DENND2A: variants seen among roughly 807,000 people sequenced by gnomAD.
DENND2A encodes the protein DENN domain-containing protein 2A.
In DENND2A, 53 loss-of-function variants were observed where a neutral mutation model predicts 105.3. That is an observed-to-expected ratio of 0.50 (90% CI 0.40 to 0.63). The LOEUF (loss-of-function observed/expected upper bound fraction) is 0.63, where lower values mean the gene tolerates loss of function less well. DENND2A is among the 30% of genes least tolerant of loss of function. The probability of loss-of-function intolerance (pLI) is 0.00; values close to 1 mark genes in which losing one functional copy is unlikely to be tolerated. For synonymous variants in DENND2A, 522 were observed against 508.4 expected (o/e 1.03, Z -0.36); for missense variants, 1,138 against 1,279.6 (o/e 0.89, Z 1.69).
Position 140,518,682 on chromosome 7 carries a change from G to C in DENND2A, c.*25C>G, listed in dbSNP as rs1171857356. On this transcript the variant is annotated 3_prime_UTR_variant, in exon 20 of 20. Transcript: ENST00000496613. The stretch of plus-strand genomic sequence containing the variant: ...TTTAAAGCATAGGGCTGCACTAGGA[G>C]GAAGTTTTCCCTTGAGGCTGAGAGT... 6 of 1,611,314 alleles carry C rather than the reference G, an allele frequency of 3.7e-6. No individual in the cohort carries two copies. In the East Asian group the frequency reaches 1.3e-4, roughly 36 times the overall value.
intron 1 of DENND2A, among the ~76,000 whole-genome samples, chr7:140,638,388 A>C (rs1239934177): frequency 1.3e-5 from 2 of 152,172 alleles, no homozygotes; most frequent in African/African-American, 4.8e-5. Flanking sequence ...AAGTTATCAT[A>C]ATCTGTGCCC....
intron 1 of DENND2A, among the ~76,000 whole-genome samples, chr7:140,611,148 G>A (rs542729109): frequency 3.3e-5 from 5 of 152,248 alleles, no homozygotes; most frequent in African/African-American, 9.6e-5. Context: ...AGGTTCAAGC[G>A]ATTCTGCCTC....
chr7:140,555,670 A>G lies in DENND2A; in HGVS notation c.2003T>C (p.Val668Ala). 1 of 1,609,406 alleles carries G rather than the reference A, an allele frequency of 6.2e-7. No individual in the cohort carries two copies. Among genetic ancestry groups the G allele is most frequent in the Non-Finnish European group, 8.5e-7 (1 of 1,178,722 alleles). ...GKRLPEVYCI[V>A]SRLGCFSLFS... is the part of the protein sequence containing the mutation. Reference sequence around the variant, plus strand: ...GAGGCTGAAGCATCCCAGGCGGCTCACAATGCAGTAAACTTCAGGAAGGCG... The same window carrying G: ...GAGGCTGAAGCATCCCAGGCGGCTCGCAATGCAGTAAACTTCAGGAAGGCG... Residue 668 changes from valine to alanine, a missense_variant, in exon 12 of 20, where the codon GTG becomes GCG. Around this residue, in one of 2 missense-constraint regions of DENND2A, gnomAD observed 627 missense variants for 779.8 expected, o/e 0.80. Coordinates refer to ENST00000496613, the MANE Select transcript of DENND2A (RefSeq NM_015689.5).
At chr7:140,602,582 T>C in intron 2 of DENND2A, 40 bp from the exon 3 acceptor site, 1 of 504,804 alleles carries the variant, frequency 2.0e-6, no homozygotes, top group Non-Finnish European at 3.3e-6. Flanking sequence ...TGATTCTTAT[T>C]GTTCTTGGCT....
chr7:140,578,472 G>C (rs1294596976), intron 5 of DENND2A, among the ~76,000 whole-genome samples: 4 of 152,194 alleles, frequency 2.6e-5, no homozygotes, highest in African/African-American at 9.7e-5. Context: ...ACTCTTAGGA[G>C]ACCTCCTGTG....
chr7:140,553,590 C>A (rs1259038389), intron 12 of DENND2A, among the ~76,000 whole-genome samples: 1 of 152,290 alleles, frequency 6.6e-6, no homozygotes, highest in East Asian at 1.9e-4. Context: ...TCAGACTATC[C>A]CATGAGGAGA....
intron 12 of DENND2A, among the ~76,000 whole-genome samples, chr7:140,551,627 A>G (rs942979399): frequency 3.9e-5 from 6 of 152,172 alleles, no homozygotes; most frequent in African/African-American, 1.4e-4. Flanking sequence ...CTGACCTCAC[A>G]GCTGGGAGAA....
chr7:140,538,259 G>A lies in DENND2A; in HGVS notation c.2327+6359C>T, dbSNP rs563869165. Reference sequence around the variant, plus strand: ...GGAGAGTGCTGCGGGGGTGGCTACCGACCTAGAGTGGGCGAAGGTCCTCTC... The same window carrying A: ...GGAGAGTGCTGCGGGGGTGGCTACCAACCTAGAGTGGGCGAAGGTCCTCTC... On this transcript the variant is annotated intron_variant, in intron 14 of 19. Coordinates refer to ENST00000496613, the MANE Select transcript of DENND2A (RefSeq NM_015689.5). Among the ~76,000 whole-genome samples, 14 of 152,230 alleles carry A rather than the reference G, an allele frequency of 9.2e-5. No homozygotes were observed. In the South Asian group the frequency reaches 2.3e-3, roughly 25 times the overall value.
chr7:140,558,284 G>T, intron 10 of DENND2A, 72 bp from the exon 11 acceptor site: 1 of 1,286,342 alleles, frequency 7.8e-7, no homozygotes, highest in African/African-American at 1.4e-5. Flanking sequence ...TCTGCAGCAA[G>T]GGGTGGCAGT....
chr7:140,531,667 G>A (rs1004504821), intron 14 of DENND2A, among the ~76,000 whole-genome samples: 16 of 151,478 alleles, frequency 1.1e-4, no homozygotes, highest in African/African-American at 3.7e-4. Flanking sequence ...AACAAAAAAC[G>A]AGTCGGGCAT....
chr7:140,534,988 C>A (rs1489257693), intron 14 of DENND2A, among the ~76,000 whole-genome samples: 2 of 152,120 alleles, frequency 1.3e-5, no homozygotes, highest in East Asian at 3.9e-4. Flanking sequence ...TATTCCAGAA[C>A]ATCAGGACGC....
chr7:140,559,603 G>T lies in DENND2A; in HGVS notation c.1889+105C>A. 2.5e-6 allele frequency: 2 copies of T among 808,248 alleles called. No homozygotes were observed. Among genetic ancestry groups the T allele is most frequent in the Non-Finnish European group, 4.1e-6 (2 of 489,488 alleles). 50.1% of individuals were successfully genotyped at this position (808,248 alleles called of 1,614,324 possible). On this transcript the variant is annotated intron_variant, in intron 10 of 19. Transcript: ENST00000496613. The surrounding 1 kb of genome is among the most constrained non-coding windows in gnomAD (Gnocchi z 4.1). The stretch of plus-strand genomic sequence containing the variant: ...GAAAGCTCTAGGCCAGGCCCATCAG[G>T]ATTACTTAACGGTGGGAATGACTCA...
chr7:140,540,207 C>A lies in DENND2A; in HGVS notation c.2327+4411G>T, dbSNP rs568349038. On this transcript the variant is annotated intron_variant, in intron 14 of 19. Transcript: ENST00000496613. ...GCTCCAAGGAGGGCACCACAATTAT[C>A]CACGTTCCTGCTGCCTTCTCTTCTC... Among the ~76,000 whole-genome samples, 27 of 152,368 alleles carry A rather than the reference C, an allele frequency of 1.8e-4. No individual in the cohort carries two copies. The South Asian group carries it at 3.7e-3, about 21-fold the overall frequency.
chr7:140,615,663 T>C (rs1277804214), intron 1 of DENND2A, among the ~76,000 whole-genome samples: 3 of 151,770 alleles, frequency 2.0e-5, no homozygotes, highest in African/African-American at 7.3e-5. Flanking sequence ...GCCCCTCAGC[T>C]AGCTGTGACT....
In DENND2A at chr7:140,518,585, C is replaced by A; in HGVS notation, c.*122G>T. The A allele has an allele frequency of 9.8e-7, 1 of 1,015,886 alleles. No homozygotes were observed. The highest frequency in any genetic ancestry group is 1.5e-6 in the Non-Finnish European group (1 of 688,034). The allele number at this position is 1,015,886 out of a possible 1,614,324, so 62.9% of individuals were successfully genotyped here. A position where few individuals can be genotyped will look rare whatever the true frequency, so the allele number is the denominator to read the frequency against. The stretch of plus-strand genomic sequence containing the variant: ...GGAAGAGCCCAGCCTCGGCCAGAAG[C>A]CACCGCGGCCTCCAGTTCCGCACCG... On this transcript the variant is annotated 3_prime_UTR_variant, in exon 20 of 20. Transcript: ENST00000496613.
chr7:140,577,179 G>A (rs1798334629), intron 5 of DENND2A, among the ~76,000 whole-genome samples: 2 of 152,152 alleles, frequency 1.3e-5, no homozygotes, highest in African/African-American at 4.8e-5. Context: ...TGATAGAATG[G>A]GAAGACTTAG....
intron 1 of DENND2A, among the ~76,000 whole-genome samples, chr7:140,629,418 G>C (rs1218318923): frequency 6.6e-6 from 1 of 152,098 alleles, no homozygotes; most frequent in Non-Finnish European, 1.5e-5. Context: ...CCAGTGCATG[G>C]AGTAAAGAAC....
At chr7:140,538,512 A>G (rs1796528380) in intron 14 of DENND2A, among the ~76,000 whole-genome samples, 1 of 151,784 alleles carries the variant, frequency 6.6e-6, no homozygotes, top group Non-Finnish European at 1.5e-5. Context: ...TTCTTTTTTT[A>G]ATTTTTTTAA....
chr7:140,609,850 T>C (rs1799829581), intron 1 of DENND2A: 1 of 152,218 alleles, frequency 6.6e-6, no homozygotes, highest in Non-Finnish European at 1.5e-5. Flanking sequence ...TGGGTGGGAC[T>C]GGTCTGAAGG....
Sources: allele counts gnomAD v4.1 joint callset (sites outside exome capture counted in the v4.1 genomes callset), GRCh38; gene constraint gnomAD v4.1.1; regional missense constraint gnomAD v4.1.1; non-coding constraint Gnocchi (gnomAD v3.1); transcripts MANE v1.5; gene names NCBI Gene and HGNC (gene_info 2026-07-23, HGNC 2026-07-21).